Variants in CDC42BPG observed in about 807,000 individuals in gnomAD.
CDC42BPG encodes serine/threonine-protein kinase MRCK gamma.
Under a neutral mutation model 192.2 loss-of-function variants are expected in CDC42BPG, and 157 were observed. That is an observed-to-expected ratio of 0.82 (90% CI 0.72 to 0.93). CDC42BPG has a LOEUF of 0.93. CDC42BPG is among the 40% of genes least tolerant of loss of function. CDC42BPG has a pLI of 0.00. For synonymous variants in CDC42BPG, 981 were observed against 918.5 expected, an observed-to-expected ratio of 1.07 and a Z score of -1.23; for missense variants, 1,992 against 2,122.1, an observed-to-expected ratio of 0.94 and a Z score of 1.20.
At position 64,827,054 on chromosome 11, in the gene CDC42BPG, G is replaced by A; in HGVS notation, c.4385C>T (p.Ser1462Phe). The part of the protein sequence containing the change: ...ANGRPGARDK[S>F]PAPEEKGRVA... ...GATTGGCTCCAGAGGACTAACCGGG[G>A]ACTTGTCCCTGGCGCCGGGCCGCCC... The change falls in exon 34 of 37, where the codon TCC becomes TTC. Residue 1462 changes from serine (S) to phenylalanine (F), a missense_variant. Transcript: ENST00000342711. The A allele has an allele frequency of 1.1e-5, 17 of 1,604,434 alleles. No homozygotes were observed. The highest frequency in any genetic ancestry group is 1.4e-5 in the Non-Finnish European group (16 of 1,171,584).
At position 64,833,806 on chromosome 11, in the gene CDC42BPG, C is replaced by T; in HGVS notation, c.2497G>A (p.Gly833Arg). The T allele has an allele frequency of 2.5e-6, 4 of 1,614,254 alleles. No individual in the cohort carries two copies. The highest frequency in any genetic ancestry group is 3.4e-6 in the Non-Finnish European group (4 of 1,180,042). Residue 833 changes from glycine to arginine, a missense_variant, in exon 22 of 37, where the codon GGA becomes AGA. Physicochemically the swap from Gly to Arg is moderately radical, Grantham distance 125 (BLOSUM62 -2). Coordinates refer to ENST00000342711, the MANE Select transcript of CDC42BPG (RefSeq NM_017525.3). ...KDSAKDPGIS[G>R]EATRHGGEPD... ...TCTCCTCCATGCCTTGTGGCCTCTC[C>T]TGAGATGCCAGGGTCCTTGGCAGAA...
intron 1 of CDC42BPG, among the ~76,000 whole-genome samples, chr11:64,843,688 C>T (rs940984734): frequency 3.9e-5 from 6 of 152,246 alleles, no homozygotes; most frequent in Non-Finnish European, 8.8e-5. Context: ...CCCGGGCCAG[C>T]CACTCCCAAT....
intron 3 of CDC42BPG, 136 bp downstream of exon 3, chr11:64,841,514 A>C: frequency 1.5e-6 from 1 of 688,616 alleles, no homozygotes; most frequent in Non-Finnish European, 2.6e-6. Context: ...ATAACAAATC[A>C]GTGGCTGCTG....
intron 36 of CDC42BPG, among the ~76,000 whole-genome samples, chr11:64,824,933 T>A (rs1281221522): frequency 6.6e-6 from 1 of 150,950 alleles, no homozygotes; most frequent in Non-Finnish European, 1.5e-5. Context: ...TTTCGTTTTT[T>A]TTTTTGGAGA....
rs757560696 is a variant in CDC42BPG, at chr11:64,834,330, C to T, written c.2349G>A (p.Gln783=). The change falls in exon 20 of 37, where the codon CAG becomes CAA. Residue 783 remains glutamine (Q), a synonymous_variant. Transcript: ENST00000342711. ...CGAGCTCCTGTTGCAGGGCCTGGCT[C>T]TGCTTCTCGGCCTCCTGCAGACGGC... The part of the protein sequence containing the change: ...AERRLQEAEK[Q]SQALQQELAM... The T allele has an allele frequency of 1.1e-5, 17 of 1,574,928 alleles. No individual in the cohort carries two copies. Among genetic ancestry groups the T allele is most frequent in the African/African-American group, 1.4e-5 (1 of 73,952 alleles).
At position 64,826,740 on chromosome 11, in the gene CDC42BPG, T is replaced by G. The variant is rs61744174; in HGVS notation, c.4444A>C (p.Ser1482Arg). Reference protein sequence around the residue: ...ARGSGPQRPHSFSEALRRPAS... With the variant: ...ARGSGPQRPHRFSEALRRPAS... ...GGGCGCCGCAACGCCTCGGAGAAGC[T>G]GTGGGGCCGCTGTGGGCCGGAGCCG... Residue 1482 changes from serine (S) to arginine (R), a missense_variant, in exon 35 of 37, where the codon AGC (serine) becomes CGC (arginine). Physicochemically the swap from Ser to Arg is moderately radical, Grantham distance 110 (BLOSUM62 -1). Transcript: ENST00000342711. The G allele has an allele frequency of 2.7e-3, 4,217 of 1,545,066 alleles. 117 individuals are homozygous for G. The African/African-American group carries it at 0.049, about 18-fold the overall frequency.
intron 9 of CDC42BPG, among the ~76,000 whole-genome samples, chr11:64,837,708 C>T (rs746521454): frequency 6.6e-6 from 1 of 152,160 alleles, no homozygotes; most frequent in Admixed American, 6.5e-5. Context: ...GCGATCCACC[C>T]GCCTCGACCT....
Position 64,826,814 on chromosome 11 carries a change from AG to A in CDC42BPG, c.4390-21del. ...GGGAGCCTGTTGGGTGACAGTGCGG[AG>A]GGGCTGGGACTAGCAGGCACAAGGA... On this transcript the variant is annotated intron_variant, in intron 34 of 36. Transcript: ENST00000342711. The A allele has an allele frequency of 6.7e-7, 1 of 1,482,058 alleles. No individual in the cohort carries two copies. The highest frequency in any genetic ancestry group is 8.9e-7 in the Non-Finnish European group (1 of 1,118,884). 91.8% of individuals were successfully genotyped at this position (1,482,058 alleles called of 1,614,324 possible).
rs774486756 is a variant in CDC42BPG at position 64,827,787 on chromosome 11, C to T, written c.3968-4G>A. On this transcript the variant is annotated splice_region_variant and splice_polypyrimidine_tract_variant and intron_variant, in intron 30 of 36. Transcript: ENST00000342711. ...GTCAGGTAGGGGGCCGCATACCCTG[C>T]GGGCACGCCAGGCACCTCTGAGCTG... 2.5e-6 allele frequency: 4 copies of T among 1,599,422 alleles called. No individual in the cohort carries two copies. Among genetic ancestry groups the T allele is most frequent in the East Asian group, 4.5e-5 (2 of 44,802 alleles).
rs750411179 is a variant in CDC42BPG at position 64,826,461 on chromosome 11, C to A, written c.4599+9G>T. ...ATAGGGGACGGACAAGCCTCCCGGA[C>A]CCGCTCACCTGCATTAGGGAGGTTG... On this transcript the variant is annotated intron_variant, in intron 36 of 36. Coordinates refer to ENST00000342711, the MANE Select transcript of CDC42BPG (RefSeq NM_017525.3). 15 of 1,584,252 alleles carry A rather than the reference C, an allele frequency of 9.5e-6. No homozygotes were observed. Among genetic ancestry groups the A allele is most frequent in the Non-Finnish European group, 1.3e-5 (15 of 1,163,252 alleles).
At chr11:64,834,076 C>G in intron 20 of CDC42BPG, 99 bp from the exon 21 acceptor site, 1 of 1,547,340 alleles carries the variant, frequency 6.5e-7, no homozygotes, top group African/African-American at 1.4e-5. Context: ...TGGGAAATGA[C>G]CACAGGGTGG....
Position 64,838,395 on chromosome 11 carries a change from C to T in CDC42BPG, c.1126-233G>A, listed in dbSNP as rs908320459. Among the ~76,000 whole-genome samples the T allele has an allele frequency of 2.6e-5, 4 of 152,174 alleles. No homozygotes were observed. The East Asian group carries it at 7.7e-4, about 29-fold the overall frequency. ...TAGAATGATACCTGTGGTCAGAGGC[C>T]CTTCCCTTGACACAGCCCACCTCAG... On this transcript the variant is annotated intron_variant, in intron 8 of 36. Transcript: ENST00000342711.
rs1220965807 is a variant in CDC42BPG, at chr11:64,827,225, CA to C, written c.4271+52del. The stretch of plus-strand genomic sequence containing the variant: ...AGCTCCACCCTCCCTTCGACCCGTC[CA>C]CAAGCGGAGGCGGCCCCACCCAGCC... On this transcript the variant is annotated intron_variant, in intron 33 of 36. Coordinates refer to ENST00000342711, the MANE Select transcript of CDC42BPG (RefSeq NM_017525.3). 2.5e-6 allele frequency: 4 copies of C among 1,613,326 alleles called. No individual in the cohort carries two copies. In the African/African-American group the frequency reaches 5.3e-5, roughly 22 times the overall value.
At chr11:64,836,715 G>GGGGGGT (rs2136340768) in intron 11 of CDC42BPG, 24 bp downstream of exon 11, 4 of 870,660 alleles carry the variant, frequency 4.6e-6, no homozygotes, top group African/African-American at 1.8e-5. Flanking sequence ...CTGGGGGGGG[G>GGGGGGT]GGGGGGGTGG....
intron 30 of CDC42BPG, among the ~76,000 whole-genome samples, 189 bp from the exon 31 acceptor site, chr11:64,827,972 C>G (rs574922782): frequency 6.6e-6 from 1 of 152,314 alleles, no homozygotes; most frequent in Admixed American, 6.5e-5. Flanking sequence ...ATGCCTGGCT[C>G]AGTTCTAAAC....
rs1942467761 is a variant in CDC42BPG at position 64,827,225 on chromosome 11, C to T, written c.4271+53G>A. ...AGCTCCACCCTCCCTTCGACCCGTC[C>T]ACAAGCGGAGGCGGCCCCACCCAGC... On this transcript the variant is annotated intron_variant, in intron 33 of 36. Coordinates refer to ENST00000342711, the MANE Select transcript of CDC42BPG (RefSeq NM_017525.3). 3.1e-6 allele frequency: 5 copies of T among 1,613,444 alleles called. No homozygotes were observed. The Admixed American group carries it at 6.7e-5, about 22-fold the overall frequency.
chr11:64,826,788 C>T lies in CDC42BPG; in HGVS notation c.4396G>A (p.Glu1466Lys), dbSNP rs865838329. 1 of 1,500,932 alleles carries T rather than the reference C, an allele frequency of 6.7e-7. No homozygotes were observed. The highest frequency in any genetic ancestry group is 8.9e-7 in the Non-Finnish European group (1 of 1,127,098). 93.0% of individuals were successfully genotyped at this position (1,500,932 alleles called of 1,614,324 possible). A position where few individuals can be genotyped will look rare whatever the true frequency, so the allele number is the denominator to read the frequency against. Residue 1466 changes from glutamate to lysine, a missense_variant, in exon 35 of 37, where the codon GAA (glutamate) becomes AAA (lysine). Around this residue, in one of 2 missense-constraint regions of CDC42BPG, gnomAD observed 336 missense variants for 277.9 expected, o/e 1.21. Coordinates refer to ENST00000342711, the MANE Select transcript of CDC42BPG (RefSeq NM_017525.3). Reference sequence around the variant, plus strand: ...CCGCGGGCAACTCGGCCCTTCTCTTCGGGAGCCTGTTGGGTGACAGTGCGG... The same window carrying T: ...CCGCGGGCAACTCGGCCCTTCTCTTTGGGAGCCTGTTGGGTGACAGTGCGG... ...PGARDKSPAP[E>K]EKGRVARGSG...
rs1565669155 is a variant in CDC42BPG at position 64,827,304 on chromosome 11, CGACACGCG to C, written c.4237_4244del (p.Arg1413GlyfsTer131). 6.2e-7 allele frequency: 1 copy of C among 1,613,954 alleles called. No individual in the cohort carries two copies. The highest frequency in any genetic ancestry group is 2.2e-5 in the East Asian group (1 of 44,880). ...TGCGCTGCTGCTTCTGCTGCTCCTC[CGACACGCG>C]GAAAAAGAAGCGGCGCTTGCTCTTG... On this transcript the variant is annotated frameshift_variant, in exon 33 of 37. Coordinates refer to ENST00000342711, the MANE Select transcript of CDC42BPG (RefSeq NM_017525.3). LOFTEE classifies it high-confidence loss of function.
chr11:64,831,638 C>G lies in CDC42BPG; in HGVS notation c.3171G>C (p.Trp1057Cys). The G allele has an allele frequency of 1.2e-6, 2 of 1,611,272 alleles. No individual in the cohort carries two copies. Among genetic ancestry groups the G allele is most frequent in the Non-Finnish European group, 1.7e-6 (2 of 1,179,792 alleles). The change falls in exon 28 of 37, where the codon TGG (tryptophan) becomes TGC (cysteine). Residue 1057 changes from tryptophan (W) to cysteine (C), a missense_variant. By Grantham distance (215) the Trp-to-Cys change is radical. This residue lies in a region of CDC42BPG where 1,656 missense variants were observed against 1,844.3 expected (regional missense o/e 0.90). Coordinates refer to ENST00000342711, the MANE Select transcript of CDC42BPG (RefSeq NM_017525.3). ...GCTGCAGCTCACCCAGCACCTGCAG[C>G]CAGCGTTCCCGCTCCCCCTCGCTCT... ...LAESEGERER[W>C]LQVLGELQRL...
Sources: allele counts gnomAD v4.1 joint callset (sites outside exome capture counted in the v4.1 genomes callset), GRCh38; gene constraint gnomAD v4.1.1; regional missense constraint gnomAD v4.1.1; transcripts MANE v1.5; gene names NCBI Gene and HGNC (gene_info 2026-07-23, HGNC 2026-07-21).